Variants in NDFIP1 observed in about 807,000 individuals in gnomAD.
NDFIP1 encodes the protein NEDD4 family-interacting protein 1.
Under a neutral mutation model 28.8 loss-of-function variants are expected in NDFIP1, and 7 were observed. The ratio of observed to expected loss-of-function variants is 0.24; its 90% CI spans 0.14 to 0.46. The LOEUF (loss-of-function observed/expected upper bound fraction) is 0.46, where lower values mean the gene tolerates loss of function less well. NDFIP1 is among the 20% of genes least tolerant of loss of function. The pLI is 0.99. For missense variants in NDFIP1, 194 were observed against 269.1 expected, an observed-to-expected ratio of 0.72 and a Z score of 1.95; for synonymous variants, 92 against 101.0, an observed-to-expected ratio of 0.91 and a Z score of 0.53.
At chr5:142,120,175 C>T (rs1757109560) in intron 1 of NDFIP1, among the ~76,000 whole-genome samples, 1 of 152,148 alleles carries the variant, frequency 6.6e-6, no homozygotes, top group Non-Finnish European at 1.5e-5. Context: ...AGGCTGGTCT[C>T]AAACTCCTGA....
chr5:142,141,206 T>C (rs1002851831), intron 6 of NDFIP1, among the ~76,000 whole-genome samples: 3 of 137,634 alleles, frequency 2.2e-5, no homozygotes, highest in East Asian at 2.1e-4. Flanking sequence ...TACAGAGTCT[T>C]GCTCTGTCGC....
intron 1 of NDFIP1, among the ~76,000 whole-genome samples, chr5:142,114,221 TTC>T (rs1397898906): frequency 6.6e-6 from 1 of 152,212 alleles, no homozygotes. Context: ...ACTTGTTATG[TTC>T]TCTTTTTTGT....
intron 1 of NDFIP1, among the ~76,000 whole-genome samples, chr5:142,127,050 T>G (rs7737631): frequency 0.67 from 102,378 of 151,962 alleles, 34,793 homozygotes; most frequent in African/African-American, 0.77. Flanking sequence ...GAATCTCACT[T>G]TGTCGCCCAG....
Position 142,108,922 on chromosome 5 carries a change from G to C in NDFIP1, c.-53G>C, listed in dbSNP as rs1596778183. 7.2e-7 allele frequency: 1 copy of C among 1,380,606 alleles called. No homozygotes were observed. The highest frequency in any genetic ancestry group is 9.4e-7 in the Non-Finnish European group (1 of 1,064,738). 85.5% of individuals were successfully genotyped at this position (1,380,606 alleles called of 1,614,324 possible). On this transcript the variant is annotated 5_prime_UTR_variant, in exon 1 of 8. Coordinates refer to ENST00000253814, the MANE Select transcript of NDFIP1 (RefSeq NM_030571.4). ...AGCGCTCCCAAGCCGCAGCGGCCGC[G>C]CCCCTTCAGCTAGCTCGCTCGCTCG...
chr5:142,123,239 A>T (rs1236956760), intron 1 of NDFIP1, among the ~76,000 whole-genome samples: 1 of 152,182 alleles, frequency 6.6e-6, no homozygotes, highest in East Asian at 1.9e-4. Context: ...CTGGTATTAC[A>T]GGCATGAGCC....
intron 1 of NDFIP1, among the ~76,000 whole-genome samples, chr5:142,118,097 C>T (rs1395563159): frequency 2.0e-5 from 3 of 152,222 alleles, no homozygotes; most frequent in South Asian, 4.2e-4. Flanking sequence ...ATGCCCTATG[C>T]CCAGCTTTCC....
chr5:142,116,241 G>A (rs1757065802), intron 1 of NDFIP1, among the ~76,000 whole-genome samples: 1 of 151,974 alleles, frequency 6.6e-6, no homozygotes, highest in Non-Finnish European at 1.5e-5. Flanking sequence ...CTAAATACTA[G>A]CACTGATCAA....
intron 7 of NDFIP1, among the ~76,000 whole-genome samples, chr5:142,148,750 CAAAAAAAAA>C (rs60681858): frequency 1.3e-4 from 3 of 22,230 alleles, no homozygotes; most frequent in East Asian, 2.8e-3. Context: ...GACTCTGTCT[CAAAAAAAAA>C]AAAAAAAAAA....
intron 1 of NDFIP1, among the ~76,000 whole-genome samples, chr5:142,115,135 T>C (rs2126910064): frequency 6.6e-6 from 1 of 152,338 alleles, no homozygotes; most frequent in Admixed American, 6.5e-5. Flanking sequence ...TTCATATTTT[T>C]ATTAAGAAAG....
At position 142,152,040 on chromosome 5, in the gene NDFIP1, T is replaced by C. The variant is rs1012466500; in HGVS notation, c.*312T>C. The C allele has an allele frequency of 1.3e-5, 2 of 152,822 alleles. No homozygotes were observed. The highest frequency in any genetic ancestry group is 2.4e-5 in the African/African-American group (1 of 41,478). The allele number at this position is 152,822 out of a possible 1,614,324, so 9.5% of individuals were successfully genotyped here. ...GTCATTTTAAGTAGCATGAGCCATG[T>C]CCCTGTAGTCGGTAGGGGGCAGTCT... On this transcript the variant is annotated 3_prime_UTR_variant, in exon 8 of 8. Coordinates refer to ENST00000253814, the MANE Select transcript of NDFIP1 (RefSeq NM_030571.4).
intron 1 of NDFIP1, among the ~76,000 whole-genome samples, chr5:142,116,370 C>CTT: frequency 7.0e-6 from 1 of 143,872 alleles, no homozygotes; most frequent in East Asian, 2.0e-4. Context: ...CTCTCTCTCT[C>CTT]TCTTTCTTTC....
chr5:142,137,714 C>A lies in NDFIP1; in HGVS notation c.371-20C>A, dbSNP rs745758224. On this transcript the variant is annotated intron_variant, in intron 4 of 7. Transcript: ENST00000253814. The stretch of plus-strand genomic sequence containing the variant: ...GTAACAGGACATGTCTAACATCTTT[C>A]CCCTCCTCTGCTTTTGCAGTGGCAT... The A allele has an allele frequency of 3.7e-6, 6 of 1,613,208 alleles. No homozygotes were observed. In the East Asian group the frequency reaches 6.7e-5, roughly 18 times the overall value.
intron 5 of NDFIP1, among the ~76,000 whole-genome samples, chr5:142,139,620 C>T (rs144435750): frequency 1.3e-5 from 2 of 152,228 alleles, no homozygotes; most frequent in African/African-American, 4.8e-5. Flanking sequence ...CCTCAATTTC[C>T]ACTGGTCAGA....
At chr5:142,111,463 A>G (rs1399184448) in intron 1 of NDFIP1, among the ~76,000 whole-genome samples, 1 of 152,142 alleles carries the variant, frequency 6.6e-6, no homozygotes, top group Non-Finnish European at 1.5e-5. Context: ...TTTCCTTAGC[A>G]TAAATTACTA....
intron 1 of NDFIP1, among the ~76,000 whole-genome samples, chr5:142,121,398 A>G (rs187933906): frequency 6.6e-6 from 1 of 152,254 alleles, no homozygotes; most frequent in Admixed American, 6.5e-5. Context: ...TTTCATTTTT[A>G]TTGTGAAATT....
At chr5:142,135,140 G>A (rs938851794) in intron 3 of NDFIP1, among the ~76,000 whole-genome samples, 62 of 133,882 alleles carry the variant, frequency 4.6e-4, no homozygotes, top group Admixed American at 3.2e-3. Context: ...CACCACTCCC[G>A]GCTAATTTTT....
At position 142,132,290 on chromosome 5, in the gene NDFIP1, A is replaced by G; in HGVS notation, c.230A>G (p.Asp77Gly). The G allele has an allele frequency of 6.2e-7, 1 of 1,614,184 alleles. No homozygotes were observed. The highest frequency in any genetic ancestry group is 8.5e-7 in the Non-Finnish European group (1 of 1,180,020). Residue 77 changes from aspartate (D) to glycine (G), a missense_variant, in exon 3 of 8, where the codon GAT becomes GGT. Physicochemically the swap from Asp to Gly is moderately conservative, Grantham distance 94. Transcript: ENST00000253814. ...GTAGCTACAACACTGCCCAGTTATG[A>G]TGAAGCGGAGAGGACCAAGGCTGAA... ...YNVATTLPSY[D>G]EAERTKAEAT... is the part of the protein sequence containing the mutation.
chr5:142,113,298 T>C (rs1475354280), intron 1 of NDFIP1, among the ~76,000 whole-genome samples: 2 of 152,220 alleles, frequency 1.3e-5, no homozygotes, highest in African/African-American at 4.8e-5. Flanking sequence ...AAGAATTTCA[T>C]CTCTGATAGG....
In NDFIP1 at chr5:142,108,796, C is replaced by T. The variant is rs1756978353; in HGVS notation, c.-179C>T. 2 of 455,546 alleles carry T rather than the reference C, an allele frequency of 4.4e-6. No homozygotes were observed. The highest frequency in any genetic ancestry group is 4.5e-5 in the Admixed American group (1 of 22,072). 28.2% of individuals were successfully genotyped at this position (455,546 alleles called of 1,614,324 possible). On this transcript the variant is annotated 5_prime_UTR_variant, in exon 1 of 8. Transcript: ENST00000253814. Reference sequence around the variant, plus strand: ...TCTTCCCCAGGGGCCGCGTCGGAGCCTCGGCGGCGGCGGCGGTGCTTACAG... The same window carrying T: ...TCTTCCCCAGGGGCCGCGTCGGAGCTTCGGCGGCGGCGGCGGTGCTTACAG...
Sources: allele counts gnomAD v4.1 joint callset (sites outside exome capture counted in the v4.1 genomes callset), GRCh38; gene constraint gnomAD v4.1.1; transcripts MANE v1.5; gene names NCBI Gene and HGNC (gene_info 2026-07-23, HGNC 2026-07-21).